Variants in KCNQ2 observed in about 807,000 individuals in gnomAD.
The protein encoded by KCNQ2 is potassium voltage-gated channel subfamily Q member 2, also known as potassium voltage-gated channel subfamily KQT member 2.
KCNQ2 carries 14 observed loss-of-function variants against 84.8 expected under a neutral mutation model. The observed-to-expected ratio is 0.17, with a 90% CI of 0.11 to 0.26. The LOEUF is 0.26. Among genes scored for constraint, KCNQ2 ranks in the 10% least tolerant of loss-of-function variants. The pLI, the probability that KCNQ2 is intolerant of heterozygous loss-of-function variation, is 1.00. For missense variants in KCNQ2, 788 were observed against 1,254.0 expected (o/e 0.63, Z 5.61); for synonymous variants, 599 against 554.1 (o/e 1.08, Z -1.14).
intron 1 of KCNQ2, among the ~76,000 whole-genome samples, chr20:63,450,936 G>A (rs1327814508): frequency 1.3e-5 from 2 of 152,114 alleles, no homozygotes; most frequent in East Asian, 3.9e-4. Context: ...TCAGGAGTTC[G>A]AAACCAGCCT....
At chr20:63,466,510 A>G (rs930911996) in intron 1 of KCNQ2, 5 of 152,302 alleles carry the variant, frequency 3.3e-5, no homozygotes, top group African/African-American at 1.2e-4. Context: ...CCTGGCCTCC[A>G]CGCTCCGTCC....
In KCNQ2 at chr20:63,446,237, G is replaced by A. The variant is rs117112551; in HGVS notation, c.387+510C>T. The A allele has an allele frequency of 8.3e-3, 2,120 of 254,666 alleles. 15 individuals carry two copies. The highest frequency in any genetic ancestry group is 0.013 in the Middle Eastern group (9 of 680). 15.8% of individuals were successfully genotyped at this position (254,666 alleles called of 1,614,324 possible). ...AGCCCCAGAACAGAGGAGCAGGGCG[G>A]GCAGTAGAGGGAGGTGCATTTGGAT... On this transcript the variant is annotated intron_variant, in intron 2 of 16. Coordinates refer to ENST00000359125, the MANE Select transcript of KCNQ2 (RefSeq NM_172107.4). The surrounding 1 kb of genome is among the most constrained non-coding windows in gnomAD (Gnocchi z 5.5).
intron 11 of KCNQ2, among the ~76,000 whole-genome samples, chr20:63,421,629 C>G (rs753432796): frequency 4.6e-5 from 7 of 152,192 alleles, no homozygotes; most frequent in Non-Finnish European, 1.0e-4. Flanking sequence ...ACAGGACAGA[C>G]ATGCACCAAA....
In KCNQ2 at chr20:63,406,783, C is replaced by T; in HGVS notation, c.2480G>A (p.Cys827Tyr). 3 of 1,612,600 alleles carry T rather than the reference C, an allele frequency of 1.9e-6. No homozygotes were observed. Among genetic ancestry groups the T allele is most frequent in the Non-Finnish European group, 2.5e-6 (3 of 1,179,860 alleles). ...CGCAATGTAGGGCCTGACTTTGGCA[C>T]AAGGCGCCACGGCCGCGTAGCAGCT... ...LNSCYAAVAP[C>Y]AKVRPYIAEG... Residue 827 changes from cysteine (C) to tyrosine (Y), a missense_variant, in exon 17 of 17, where the codon TGT (cysteine) becomes TAT (tyrosine). This residue lies in a region of KCNQ2 where 378 missense variants were observed against 434.5 expected (regional missense o/e 0.87). Transcript: ENST00000359125.
chr20:63,418,738 C>T (rs186535968), intron 12 of KCNQ2, among the ~76,000 whole-genome samples: 1 of 152,358 alleles, frequency 6.6e-6, no homozygotes, highest in East Asian at 1.9e-4. Context: ...CAACAGTCTC[C>T]CCGCAAGCAC....
At position 63,444,652 on chromosome 20, in the gene KCNQ2, G is replaced by A. The variant is rs917571411; in HGVS notation, c.690+7C>T. On this transcript the variant is annotated splice_region_variant and intron_variant, in intron 4 of 16. Transcript: ENST00000359125. ...CGCCCACCGCCAGCCTTGGGGCCGT[G>A]ACTCACCTTGCTGTGGGCATAGACC... 20 of 1,546,238 alleles carry A rather than the reference G, an allele frequency of 1.3e-5. No individual in the cohort carries two copies. Among genetic ancestry groups the A allele is most frequent in the Non-Finnish European group, 1.8e-5 (20 of 1,140,630 alleles).
chr20:63,470,271 C>G (rs917746760), intron 1 of KCNQ2, among the ~76,000 whole-genome samples: 1 of 148,916 alleles, frequency 6.7e-6, no homozygotes, highest in Non-Finnish European at 1.5e-5. Context: ...GTGCCCACAG[C>G]AAAGGAGCTG....
chr20:63,406,614 C>G lies in KCNQ2; in HGVS notation c.*30G>C. 6.4e-7 allele frequency: 1 copy of G among 1,566,394 alleles called. No homozygotes were observed. The highest frequency in any genetic ancestry group is 8.6e-7 in the Non-Finnish European group (1 of 1,162,394). On this transcript the variant is annotated 3_prime_UTR_variant, in exon 17 of 17. Transcript: ENST00000359125. The stretch of plus-strand genomic sequence containing the variant: ...TCGGAGGCACCGTGCTGAGGAGGGC[C>G]GCGGGCGGGTCCACTGGCCCAGCGC...
At chr20:63,449,939 A>G (rs1184686050) in intron 1 of KCNQ2, among the ~76,000 whole-genome samples, 1 of 151,986 alleles carries the variant, frequency 6.6e-6, no homozygotes, top group African/African-American at 2.4e-5. Flanking sequence ...TCTGACACAC[A>G]GCACTCAGAG....
chr20:63,429,704 G>T (rs1300625676), intron 9 of KCNQ2, among the ~76,000 whole-genome samples: 1 of 152,098 alleles, frequency 6.6e-6, no homozygotes, highest in Non-Finnish European at 1.5e-5. Context: ...TGTCCCTCAG[G>T]GCTTGGTGAT....
At chr20:63,413,853 C>T (rs1335101752) in intron 14 of KCNQ2, among the ~76,000 whole-genome samples, 1 of 152,200 alleles carries the variant, frequency 6.6e-6, no homozygotes, top group Non-Finnish European at 1.5e-5. Flanking sequence ...CCAGGTGGAG[C>T]CCGGCCTCAG....
chr20:63,413,482 G>A lies in KCNQ2; in HGVS notation c.1731C>T (p.Asp577=). 3 of 1,613,394 alleles carry A rather than the reference G, an allele frequency of 1.9e-6. No homozygotes were observed. Among genetic ancestry groups the A allele is most frequent in the Non-Finnish European group, 1.7e-6 (2 of 1,180,016 alleles). The part of the protein sequence containing the change: ...VIEQYSAGHL[D]MLSRIKSLQS... ...GCAGGCTCTTAATTCGGGACAGCAT[G>A]TCCAGGTGGCCGGCTGAGTACTGCT... The change falls in exon 15 of 17, where the codon GAC becomes GAT. Residue 577 remains aspartate, a synonymous_variant. Coordinates refer to ENST00000359125, the MANE Select transcript of KCNQ2 (RefSeq NM_172107.4).
intron 15 of KCNQ2, chr20:63,411,137 C>T (rs904844844): frequency 2.7e-5 from 11 of 402,620 alleles, no homozygotes; most frequent in African/African-American, 1.5e-4. Context: ...AAGCCAGCAC[C>T]GGAGCTGCTG....
intron 1 of KCNQ2, chr20:63,471,578 G>C (rs923314581): frequency 6.5e-6 from 1 of 152,884 alleles, no homozygotes; most frequent in Non-Finnish European, 1.5e-5. Flanking sequence ...GGGGTTCGCG[G>C]GGCCAGGGAG....
intron 1 of KCNQ2, chr20:63,471,902 C>G: frequency 2.3e-6 from 1 of 435,078 alleles, no homozygotes; most frequent in Non-Finnish European, 4.0e-6. Flanking sequence ...GAGGAGGGGG[C>G]TGGGGCGGCC....
Position 63,438,003 on chromosome 20 carries a change from T to A in KCNQ2, c.1023+622A>T, listed in dbSNP as rs1227109763. Among the ~76,000 whole-genome samples, 1 of 152,066 alleles carries A rather than the reference T, an allele frequency of 6.6e-6. No individual in the cohort carries two copies. The highest frequency in any genetic ancestry group is 1.5e-5 in the Non-Finnish European group (1 of 68,018). Reference sequence around the variant, plus strand: ...TTTTGTATTTTTAGGAGAGACAGGGTTTCACCATGTTGGCCAGGCTGGTCT... The same window carrying A: ...TTTTGTATTTTTAGGAGAGACAGGGATTCACCATGTTGGCCAGGCTGGTCT... On this transcript the variant is annotated intron_variant, in intron 7 of 16. Transcript: ENST00000359125. This position sits in a 1 kb window ranked among gnomAD's most constrained non-coding sequence, Gnocchi z 5.1.
chr20:63,445,769 G>A (rs1455391721), intron 2 of KCNQ2, among the ~76,000 whole-genome samples: 5,555 of 126,612 alleles, frequency 0.044, 756 homozygotes, highest in Middle Eastern at 0.064. Flanking sequence ...GGGGGACCCT[G>A]TCTGAGCTGG....
At chr20:63,461,423 A>G (rs2081943526) in intron 1 of KCNQ2, among the ~76,000 whole-genome samples, 1 of 152,064 alleles carries the variant, frequency 6.6e-6, no homozygotes, top group Non-Finnish European at 1.5e-5. Context: ...CCTCCCAAAC[A>G]CCAGCCCCTT....
chr20:63,424,071 C>G, intron 11 of KCNQ2, 106 bp downstream of exon 11: 1 of 1,294,562 alleles, frequency 7.7e-7, no homozygotes, highest in Non-Finnish European at 1.1e-6. Context: ...CACGGAAGCA[C>G]ACACAAGGCC....
Sources: allele counts gnomAD v4.1 joint callset (sites outside exome capture counted in the v4.1 genomes callset), GRCh38; gene constraint gnomAD v4.1.1; regional missense constraint gnomAD v4.1.1; non-coding constraint Gnocchi (gnomAD v3.1); transcripts MANE v1.5; gene names NCBI Gene and HGNC (gene_info 2026-07-23, HGNC 2026-07-21).